The following MS4A1 variants were observed in gnomAD, a reference collection of about 807,000 sequenced individuals.
MS4A1 encodes membrane spanning 4-domains A1, also known as B-lymphocyte antigen CD20.
A neutral mutation model predicts 26.5 loss-of-function variants in MS4A1; 16 were observed. That is an observed-to-expected ratio of 0.60 (90% CI 0.41 to 0.92). MS4A1 has a LOEUF of 0.92. Ranked by LOEUF, MS4A1 falls within the 40% of genes least tolerant of loss-of-function variation. MS4A1 has a pLI of 0.00. For missense variants in MS4A1, 350 were observed against 353.0 expected, an observed-to-expected ratio of 0.99 and a Z score of 0.07; for synonymous variants, 128 against 117.6, an observed-to-expected ratio of 1.09 and a Z score of -0.57.
chr11:60,465,629 G>A, intron 5 of MS4A1: 1 of 369,682 alleles, frequency 2.7e-6, no homozygotes, highest in Non-Finnish European at 5.0e-6. Context: ...GGTGGCAGTG[G>A]CAGTGAAGGA....
At chr11:60,467,442 A>AATTTTTGT (rs2086303313) in intron 7 of MS4A1, among the ~76,000 whole-genome samples, 1 of 151,802 alleles carries the variant, frequency 6.6e-6, no homozygotes, top group African/African-American at 2.4e-5. Context: ...ATGCCTGGCC[A>AATTTTTGT]ATTTTTGTAT....
chr11:60,462,247 A>G lies in MS4A1; in HGVS notation c.-128A>G, dbSNP rs200336617. The stretch of plus-strand genomic sequence containing the variant: ...TCGGAAGAGGCCATGTCTACCCTCA[A>G]TGACACTCATGGAGGAAATGCTGAG... On this transcript the variant is annotated 5_prime_UTR_variant, in exon 3 of 8. An upstream start codon of the reference 5' UTR is lost. Coordinates refer to ENST00000345732, the MANE Select transcript of MS4A1 (RefSeq NM_152866.3). 39 of 1,018,984 alleles carry G rather than the reference A, an allele frequency of 3.8e-5. No homozygotes were observed. The highest frequency in any genetic ancestry group is 5.8e-5 in the Non-Finnish European group (38 of 660,112). 63.1% of individuals were successfully genotyped at this position (1,018,984 alleles called of 1,614,324 possible).
At chr11:60,464,672 T>C (rs915369891) in intron 5 of MS4A1, among the ~76,000 whole-genome samples, 5 of 152,204 alleles carry the variant, frequency 3.3e-5, no homozygotes, top group African/African-American at 1.2e-4. Context: ...ATCTGATCAA[T>C]GTCATGATTG....
rs2135206872 is a variant in MS4A1, at chr11:60,469,320, T to C, written c.*852T>C. 6.6e-6 allele frequency: 1 copy of C among 152,274 alleles called. No homozygotes were observed. The highest frequency in any genetic ancestry group is 1.5e-5 in the Non-Finnish European group (1 of 67,988). 9.4% of individuals were successfully genotyped at this position (152,274 alleles called of 1,614,324 possible). A position where few individuals can be genotyped will look rare whatever the true frequency, so the allele number is the denominator to read the frequency against. The stretch of plus-strand genomic sequence containing the variant: ...TTCCATGATCAAGAAAGAATCCCTA[T>C]CTCTATTTTACAAGTAATTCAAAGA... On this transcript the variant is annotated 3_prime_UTR_variant, in exon 8 of 8. Transcript: ENST00000345732.
chr11:60,461,755 G>A (rs192240154), intron 2 of MS4A1, among the ~76,000 whole-genome samples: 9 of 151,754 alleles, frequency 5.9e-5, no homozygotes, highest in African/African-American at 2.2e-4. Flanking sequence ...CCTGACCTCA[G>A]GTGATCTGCC....
chr11:60,467,041 C>T lies in MS4A1; in HGVS notation c.656C>T (p.Thr219Met), dbSNP rs188842906. 48 of 1,614,084 alleles carry T rather than the reference C, an allele frequency of 3.0e-5. No homozygotes were observed. The highest frequency in any genetic ancestry group is 1.5e-4 in the African/African-American group (11 of 75,034). The change falls in exon 7 of 8, where the codon ACG (threonine) becomes ATG (methionine). Residue 219 changes from threonine (T) to methionine (M), a missense_variant. Coordinates refer to ENST00000345732, the MANE Select transcript of MS4A1 (RefSeq NM_152866.3). The stretch of plus-strand genomic sequence containing the variant: ...ATCGTTGAGAATGAATGGAAAAGAA[C>T]GTGCTCCAGACCCAAATCTGTAAGT... ...AGIVENEWKR[T>M]CSRPKSNIVL...
In MS4A1 at chr11:60,467,055, A is replaced by C; in HGVS notation, c.670A>C (p.Lys224Gln). The change falls in exon 7 of 8, where the codon AAA (lysine) becomes CAA (glutamine). Residue 224 changes from lysine (K) to glutamine (Q), a missense_variant. Transcript: ENST00000345732. ...NEWKRTCSRP[K>Q]SNIVLLSAEE... ...ATGGAAAAGAACGTGCTCCAGACCC[A>C]AATCTGTAAGTAGTAGCCCCTCTGG... The C allele has an allele frequency of 1.9e-6, 3 of 1,613,964 alleles. No homozygotes were observed. The highest frequency in any genetic ancestry group is 2.5e-6 in the Non-Finnish European group (3 of 1,179,862).
At chr11:60,464,228 C>T (rs2086271595) in intron 4 of MS4A1, 60 bp from the exon 5 acceptor site, 2 of 1,265,534 alleles carry the variant, frequency 1.6e-6, no homozygotes, top group Non-Finnish European at 2.3e-6. Flanking sequence ...ATCTCCCTCT[C>T]TCCTCTATCT....
chr11:60,462,305 C>A lies in MS4A1; in HGVS notation c.-70C>A. 6.4e-7 allele frequency: 1 copy of A among 1,561,580 alleles called. No individual in the cohort carries two copies. The highest frequency in any genetic ancestry group is 8.8e-7 in the Non-Finnish European group (1 of 1,133,300). On this transcript the variant is annotated 5_prime_UTR_variant, in exon 3 of 8. In the 5' UTR this introduces an upstream ATG that the reference lacks. Transcript: ENST00000345732. The stretch of plus-strand genomic sequence containing the variant: ...TTCAGATGCATGACACAAGGTAAGA[C>A]TGCCAAAAATCTTGTTCTTGCTCTC...
intron 6 of MS4A1, chr11:60,466,465 C>T: frequency 4.9e-6 from 2 of 406,222 alleles, no homozygotes; most frequent in Admixed American, 3.8e-5. Flanking sequence ...TTATTCTCAA[C>T]ATCATTAATG....
At chr11:60,459,384 G>T (rs1349225130) in intron 1 of MS4A1, among the ~76,000 whole-genome samples, 1 of 152,172 alleles carries the variant, frequency 6.6e-6, no homozygotes, top group African/African-American at 2.4e-5. Flanking sequence ...TATAGTAGGT[G>T]CTCAGTAAAC....
At chr11:60,465,171 A>T (rs1170017559) in intron 5 of MS4A1, among the ~76,000 whole-genome samples, 2 of 152,258 alleles carry the variant, frequency 1.3e-5, no homozygotes. Context: ...AGAGCCAGGA[A>T]TGAAATATGC....
intron 6 of MS4A1, chr11:60,466,743 C>A (rs1157005212): frequency 2.2e-5 from 13 of 578,312 alleles, no homozygotes; most frequent in South Asian, 3.8e-5. Flanking sequence ...ATCAGCAATA[C>A]ACATTAACCA....
intron 3 of MS4A1, 111 bp downstream of exon 3, chr11:60,462,644 C>T: frequency 7.1e-7 from 1 of 1,414,364 alleles, no homozygotes; most frequent in Non-Finnish European, 9.9e-7. Context: ...TGGGATCCAA[C>T]CTGATGTCTT....
At chr11:60,465,409 C>CT (rs904109046) in intron 5 of MS4A1, among the ~76,000 whole-genome samples, 8 of 152,148 alleles carry the variant, frequency 5.3e-5, no homozygotes, top group Non-Finnish European at 1.0e-4. Flanking sequence ...GTTGCTTCTG[C>CT]TTTTTTTATT....
intron 2 of MS4A1, among the ~76,000 whole-genome samples, 168 bp from the exon 3 acceptor site, chr11:60,462,017 G>A (rs1279923672): frequency 3.3e-5 from 5 of 152,156 alleles, no homozygotes; most frequent in Admixed American, 2.6e-4. Flanking sequence ...CAATATTAAA[G>A]CAAAAGAAAA....
chr11:60,466,890 T>G (rs2086295958), intron 6 of MS4A1, 69 bp from the exon 7 acceptor site: 1 of 1,438,632 alleles, frequency 7.0e-7, no homozygotes, highest in Admixed American at 1.7e-5. Flanking sequence ...AACAATAACT[T>G]ACTGAACACC....
chr11:60,468,606 A>C lies in MS4A1; in HGVS notation c.*138A>C. ...TCTGGCCTTTGCATGGAGTGACCATAGCTCCTTCTCTCTTACATTGAATGT... is the reference window on the plus strand; with the variant it reads ...TCTGGCCTTTGCATGGAGTGACCATCGCTCCTTCTCTCTTACATTGAATGT... On this transcript the variant is annotated 3_prime_UTR_variant, in exon 8 of 8. Transcript: ENST00000345732. 1 of 766,468 alleles carries C rather than the reference A, an allele frequency of 1.3e-6. No homozygotes were observed. The highest frequency in any genetic ancestry group is 2.7e-5 in the East Asian group (1 of 37,398). 47.5% of individuals were successfully genotyped at this position (766,468 alleles called of 1,614,324 possible).
At position 60,465,946 on chromosome 11, in the gene MS4A1, C is replaced by T; in HGVS notation, c.362C>T (p.Ser121Leu). 1 of 1,613,476 alleles carries T rather than the reference C, an allele frequency of 6.2e-7. No homozygotes were observed. Among genetic ancestry groups the T allele is most frequent in the Non-Finnish European group, 8.5e-7 (1 of 1,179,532 alleles). ...CLVKGKMIMN[S>L]LSLFAAISGM... is the part of the protein sequence containing the mutation. ...GTCAAAGGAAAAATGATAATGAATTCATTGAGCCTCTTTGCTGCCATTTCT... is the reference window on the plus strand; with the variant it reads ...GTCAAAGGAAAAATGATAATGAATTTATTGAGCCTCTTTGCTGCCATTTCT... Residue 121 changes from serine (S) to leucine (L), a missense_variant, in exon 6 of 8, where the codon TCA (serine) becomes TTA (leucine). Ser to Leu is a moderately radical substitution (Grantham distance 145, BLOSUM62 -2). Transcript: ENST00000345732.
Sources: gnomAD v4.1 joint callset for allele counts (sites outside exome capture counted in the v4.1 genomes callset) on GRCh38, gnomAD v4.1.1 for gene constraint, MANE v1.5 for transcripts, NCBI Gene and HGNC (gene_info 2026-07-23, HGNC 2026-07-21) for gene names.